Variants in SPAG6 observed in about 807,000 individuals in gnomAD.
SPAG6 encodes the protein sperm associated antigen 6.
Under a neutral mutation model 58.5 loss-of-function variants are expected in SPAG6, and 49 were observed. The ratio of observed to expected loss-of-function variants is 0.84; its 90% confidence interval spans 0.67 to 1.06. SPAG6 has a LOEUF of 1.06. Among genes scored for constraint, SPAG6 ranks in the 50% least tolerant of loss-of-function variants. The pLI, the probability that SPAG6 is intolerant of heterozygous loss-of-function variation, is 0.00. For synonymous variants in SPAG6, 233 were observed against 225.6 expected (o/e 1.03, Z -0.29); for missense variants, 560 against 611.3 (o/e 0.92, Z 0.89).
intron 3 of SPAG6, among the ~76,000 whole-genome samples, chr10:22,365,398 A>G (rs1320613394): frequency 6.6e-6 from 1 of 152,198 alleles, no homozygotes; most frequent in African/African-American, 2.4e-5. Flanking sequence ...ATAGTGAGAG[A>G]CAGCCTTGAG....
chr10:22,346,434 T>TTCTTCTTCC (rs1554776444), intron 2 of SPAG6, among the ~76,000 whole-genome samples: 5 of 94,486 alleles, frequency 5.3e-5, no homozygotes, highest in Admixed American at 4.2e-4. Context: ...AAAATGGTTC[T>TTCTTCTTCC]TCTTCTTCTT....
Position 22,406,171 on chromosome 10 carries a change from T to G in SPAG6, c.1315-4860T>G, listed in dbSNP as rs1447388816. 2.6e-5 allele frequency among the ~76,000 whole-genome samples: 4 copies of G among 152,230 alleles called. No homozygotes were observed. The East Asian group carries it at 7.7e-4, about 29-fold the overall frequency. The stretch of plus-strand genomic sequence containing the variant: ...GCTCTGATTTTAGTTATTTCTTGCC[T>G]TCTGCTAGCTTGTGAATGTGTTTGC... On this transcript the variant is annotated intron_variant, in intron 9 of 10. Coordinates refer to ENST00000376624, the MANE Select transcript of SPAG6 (RefSeq NM_012443.4).
chr10:22,353,497 G>T (rs997671731), intron 2 of SPAG6, among the ~76,000 whole-genome samples: 1 of 152,204 alleles, frequency 6.6e-6, no homozygotes, highest in Non-Finnish European at 1.5e-5. Context: ...TGCTACGCAC[G>T]TACCTGACTT....
Position 22,379,154 on chromosome 10 carries a change from C to T in SPAG6, c.473-7600C>T, listed in dbSNP as rs74494987. ...TTTACATAGTAATATGCAAATTCCC[C>T]CTTTATGCTTTTCTCACTTCCACCT... is the stretch of plus-strand genomic sequence containing the variant. On this transcript the variant is annotated intron_variant, in intron 4 of 10. Transcript: ENST00000376624. 9.8e-3 allele frequency among the ~76,000 whole-genome samples: 1,488 copies of T among 152,240 alleles called. 25 individuals carry two copies. Among genetic ancestry groups the T allele is most frequent in the African/African-American group, 0.033 (1,380 of 41,550 alleles).
intron 8 of SPAG6, among the ~76,000 whole-genome samples, chr10:22,394,160 T>G (rs1834242050): frequency 6.6e-6 from 1 of 152,220 alleles, no homozygotes; most frequent in East Asian, 1.9e-4. Flanking sequence ...AAATGTATGA[T>G]TTGTAAATAC....
chr10:22,407,445 T>G (rs1030216738), intron 9 of SPAG6, among the ~76,000 whole-genome samples: 12 of 152,222 alleles, frequency 7.9e-5, no homozygotes, highest in Non-Finnish European at 7.4e-5. Context: ...TTCTTTTCTT[T>G]AAGAATGTTG....
intron 8 of SPAG6, 61 bp downstream of exon 8, chr10:22,391,981 A>G (rs1454823030): frequency 1.8e-6 from 2 of 1,114,694 alleles, no homozygotes; most frequent in Non-Finnish European, 2.6e-6. Flanking sequence ...GTCATTTCAA[A>G]TCTCTTTGTT....
intron 2 of SPAG6, among the ~76,000 whole-genome samples, chr10:22,351,970 A>G (rs1409904160): frequency 3.9e-5 from 6 of 152,012 alleles, no homozygotes; most frequent in African/African-American, 1.2e-4. Context: ...CAGGAGATTG[A>G]GACCACGGTG....
chr10:22,417,101 C>G lies in SPAG6; in HGVS notation c.*413C>G, dbSNP rs1834883068. Reference sequence around the variant, plus strand: ...GCCTTGCTAACTATATAGTAGTATACACAAGAGAAATCTTTGAAGGAGGAA... The same window carrying G: ...GCCTTGCTAACTATATAGTAGTATAGACAAGAGAAATCTTTGAAGGAGGAA... On this transcript the variant is annotated 3_prime_UTR_variant, in exon 11 of 11. Coordinates refer to ENST00000376624, the MANE Select transcript of SPAG6 (RefSeq NM_012443.4). 1 of 154,168 alleles carries G rather than the reference C, an allele frequency of 6.5e-6. No individual in the cohort carries two copies. Among genetic ancestry groups the G allele is most frequent in the African/African-American group, 2.4e-5 (1 of 41,582 alleles). The allele number at this position is 154,168 out of a possible 1,614,324, so 9.6% of individuals were successfully genotyped here.
rs1385681872 is a variant in SPAG6 at position 22,346,004 on chromosome 10, G to A, written c.121+186G>A. On this transcript the variant is annotated intron_variant, in intron 2 of 10. Coordinates refer to ENST00000376624, the MANE Select transcript of SPAG6 (RefSeq NM_012443.4). ...GAGGGTGAAGCTTCCAGATGGTTGT[G>A]GGAGGTGCGCGTTGTCCCTGTTTCC... The A allele has an allele frequency of 5.2e-6, 8 of 1,547,452 alleles. No individual in the cohort carries two copies. In the East Asian group the frequency reaches 1.5e-4, roughly 28 times the overall value.
intron 4 of SPAG6, among the ~76,000 whole-genome samples, chr10:22,369,111 T>C (rs751865926): frequency 2.0e-5 from 3 of 152,156 alleles, no homozygotes; most frequent in African/African-American, 7.2e-5. Flanking sequence ...CCATTCATGA[T>C]AGGGAGTTCC....
At chr10:22,402,358 C>G (rs1329584574) in intron 9 of SPAG6, among the ~76,000 whole-genome samples, 1 of 152,174 alleles carries the variant, frequency 6.6e-6, no homozygotes, top group Admixed American at 6.5e-5. Flanking sequence ...AGATATTACT[C>G]TTCATACACT....
intron 3 of SPAG6, among the ~76,000 whole-genome samples, chr10:22,366,900 G>A (rs184573616): frequency 1.3e-4 from 20 of 152,174 alleles, no homozygotes; most frequent in Admixed American, 1.1e-3. Context: ...GTGAAAACAC[G>A]AAGCCTTTGC....
chr10:22,412,455 C>A, intron 10 of SPAG6: 1 of 1,524,994 alleles, frequency 6.6e-7, no homozygotes, highest in South Asian at 1.2e-5. Flanking sequence ...TAAATTCTTT[C>A]CAGAGTTGCA....
Position 22,416,770 on chromosome 10 carries a change from A to G in SPAG6, c.*82A>G. ...TTAAATCCTTCTAAATATTTGAACTAAGTATATTCTAGATTTATTTAATGG... is the reference window on the plus strand; with the variant it reads ...TTAAATCCTTCTAAATATTTGAACTGAGTATATTCTAGATTTATTTAATGG... On this transcript the variant is annotated 3_prime_UTR_variant, in exon 11 of 11. Transcript: ENST00000376624. The G allele has an allele frequency of 1.3e-6, 1 of 773,850 alleles. No individual in the cohort carries two copies. The highest frequency in any genetic ancestry group is 2.3e-6 in the Non-Finnish European group (1 of 439,406). 47.9% of individuals were successfully genotyped at this position (773,850 alleles called of 1,614,324 possible). A position where few individuals can be genotyped will look rare whatever the true frequency, so the allele number is the denominator to read the frequency against.
rs1834132978 is a variant in SPAG6 at position 22,389,237 on chromosome 10, G to A, written c.930G>A (p.Arg310=). 2 of 1,613,186 alleles carry A rather than the reference G, an allele frequency of 1.2e-6. No homozygotes were observed. Among genetic ancestry groups the A allele is most frequent in the Non-Finnish European group, 1.7e-6 (2 of 1,179,722 alleles). Residue 310 remains arginine, a synonymous_variant, in exon 7 of 11, where the codon CGG becomes CGA. Transcript: ENST00000376624. ...TTGGGTCCTGCAAAGGGAACACACG[G>A]CTGCCTGGCATCATGATGCTTGGTT... The part of the protein sequence containing the change: ...DCIGSCKGNT[R]LPGIMMLGYV...
At chr10:22,364,789 G>A (rs1837145904) in intron 2 of SPAG6, 64 bp from the exon 3 acceptor site, 1 of 1,258,132 alleles carries the variant, frequency 7.9e-7, no homozygotes, top group Non-Finnish European at 1.1e-6. Flanking sequence ...CATATATACT[G>A]AATTGTATTT....
intron 8 of SPAG6, among the ~76,000 whole-genome samples, chr10:22,397,491 T>G (rs765922570): frequency 2.6e-5 from 4 of 152,102 alleles, no homozygotes; most frequent in Non-Finnish European, 5.9e-5. Context: ...TTTTTTGGTA[T>G]TTTTAGTAGA....
intron 3 of SPAG6, among the ~76,000 whole-genome samples, chr10:22,365,686 GA>G (rs1420599382): frequency 6.6e-6 from 1 of 152,082 alleles, no homozygotes; most frequent in Non-Finnish European, 1.5e-5. Context: ...GAGCTTTCTT[GA>G]CATATCTTTG....
Sources: gnomAD v4.1 joint callset for allele counts (sites outside exome capture counted in the v4.1 genomes callset) on GRCh38, gnomAD v4.1.1 for gene constraint, MANE v1.5 for transcripts, NCBI Gene and HGNC (gene_info 2026-07-23, HGNC 2026-07-21) for gene names.